ARHGAP29: variants seen among roughly 807,000 people sequenced by gnomAD.
ARHGAP29 encodes rho GTPase-activating protein 29.
A neutral mutation model predicts 122.6 loss-of-function variants in ARHGAP29; 43 were observed. The observed-to-expected ratio is 0.35, with a 90% CI of 0.27 to 0.45. The LOEUF (loss-of-function observed/expected upper bound fraction) is 0.45. Ranked by LOEUF, ARHGAP29 falls within the 20% of genes least tolerant of loss-of-function variation. The pLI is 1.00. For missense variants in ARHGAP29, 1,303 were observed against 1,477.2 expected (o/e 0.88, Z 1.93); for synonymous variants, 506 against 497.1 (o/e 1.02, Z -0.24).
intron 2 of ARHGAP29, among the ~76,000 whole-genome samples, chr1:94,229,308 A>G (rs1652794258): frequency 6.6e-6 from 1 of 151,814 alleles, no homozygotes; most frequent in Non-Finnish European, 1.5e-5. Flanking sequence ...ATCTCATGAG[A>G]TCTTTGTAAT....
At chr1:94,208,701 C>T (rs1651375694) in intron 5 of ARHGAP29, 131 bp downstream of exon 5, 5 of 741,344 alleles carry the variant, frequency 6.7e-6, no homozygotes, top group South Asian at 6.5e-5. Flanking sequence ...TTCAGACAAT[C>T]CGCCCACCTC....
intron 22 of ARHGAP29, among the ~76,000 whole-genome samples, chr1:94,176,439 G>GT (rs1052537658): frequency 3.9e-5 from 6 of 152,290 alleles, no homozygotes; most frequent in African/African-American, 1.4e-4. Context: ...TGTATTAAGA[G>GT]AACAACCTTT....
the ARHGAP29 span, among the ~76,000 whole-genome samples, chr1:94,306,880 A>G: frequency 6.6e-6 from 1 of 152,194 alleles, no homozygotes; most frequent in Admixed American, 6.5e-5. Context: ...ATATATATAC[A>G]CACAAGATAA....
intron 2 of ARHGAP29, among the ~76,000 whole-genome samples, chr1:94,225,416 T>G (rs2101598506): frequency 6.6e-6 from 1 of 152,220 alleles, no homozygotes; most frequent in Middle Eastern, 3.4e-3. Flanking sequence ...AAAGCTACTT[T>G]ACAGTCTTAA....
At chr1:94,298,239 G>A in the ARHGAP29 span, among the ~76,000 whole-genome samples, 1 of 152,166 alleles carries the variant, frequency 6.6e-6, no homozygotes, top group African/African-American at 2.4e-5. Flanking sequence ...GAAGTATAAA[G>A]AGGCAAAATT....
chr1:94,253,469 C>T (rs1280859455), intron 1 of ARHGAP29, among the ~76,000 whole-genome samples: 1 of 152,142 alleles, frequency 6.6e-6, no homozygotes, highest in Non-Finnish European at 1.5e-5. Flanking sequence ...GCTATACTAA[C>T]ATGTTTAAAT....
the ARHGAP29 span, chr1:94,302,152 A>G: frequency 3.7e-6 from 1 of 271,488 alleles, no homozygotes; most frequent in South Asian, 4.5e-5. Flanking sequence ...CCTCAACTAC[A>G]TGGTCTACCA....
At chr1:94,257,524 A>G (rs1394550488) in intron 1 of ARHGAP29, among the ~76,000 whole-genome samples, 1 of 152,134 alleles carries the variant, frequency 6.6e-6, no homozygotes, top group East Asian at 1.9e-4. Context: ...CCTGGGCAAC[A>G]CAGGGAGACC....
chr1:94,308,955 G>T, the ARHGAP29 span, among the ~76,000 whole-genome samples: 1 of 152,194 alleles, frequency 6.6e-6, no homozygotes, highest in African/African-American at 2.4e-5. Flanking sequence ...GGTCAAGGCT[G>T]CCTGCAGCCC....
In ARHGAP29 at chr1:94,201,839, G is replaced by A; in HGVS notation, c.1162C>T (p.Leu388Phe). The A allele has an allele frequency of 6.2e-7, 1 of 1,608,170 alleles. No homozygotes were observed. Among genetic ancestry groups the A allele is most frequent in the Non-Finnish European group, 8.5e-7 (1 of 1,177,714 alleles). ...ACATTTGTCACACAAACTTTGTAAA[G>A]TTCATTTGCTTCTTCTACCTTCACA... ...ALQKVEEANELYKVCVTNVEE... is the reference protein window; with the variant it reads ...ALQKVEEANEFYKVCVTNVEE... Residue 388 changes from leucine (L) to phenylalanine (F), a missense_variant, in exon 12 of 23, where the codon CTT (leucine) becomes TTT (phenylalanine). Around this residue, in one of 3 missense-constraint regions of ARHGAP29, gnomAD observed 592 missense variants for 648.2 expected, o/e 0.91. Coordinates refer to ENST00000260526, the MANE Select transcript of ARHGAP29 (RefSeq NM_004815.4).
intron 1 of ARHGAP29, among the ~76,000 whole-genome samples, chr1:94,258,162 A>T (rs1654431906): frequency 6.6e-6 from 1 of 152,188 alleles, no homozygotes; most frequent in South Asian, 2.1e-4. Context: ...TAACATGACC[A>T]TTCCTAATTT....
At chr1:94,225,209 C>T (rs991903241) in intron 2 of ARHGAP29, among the ~76,000 whole-genome samples, 1 of 152,090 alleles carries the variant, frequency 6.6e-6, no homozygotes, top group African/African-American at 2.4e-5. Flanking sequence ...TAAGTGGCTG[C>T]TTGATGCAGT....
chr1:94,275,220 G>A (rs1254920544), upstream of ARHGAP29, among the ~76,000 whole-genome samples: 1 of 152,220 alleles, frequency 6.6e-6, no homozygotes, highest in East Asian at 1.9e-4. Context: ...TTTGGAAACT[G>A]CTGGCCGGGA....
the ARHGAP29 span, among the ~76,000 whole-genome samples, chr1:94,311,417 G>A: frequency 2.6e-5 from 4 of 152,022 alleles, no homozygotes; most frequent in Non-Finnish European, 4.4e-5. Flanking sequence ...TCTGTCCCTG[G>A]AGAGAACGTG....
chr1:94,187,089 T>A (rs1649851335), intron 15 of ARHGAP29, among the ~76,000 whole-genome samples: 1 of 152,168 alleles, frequency 6.6e-6, no homozygotes, highest in African/African-American at 2.4e-5. Context: ...CTGGCAAGAC[T>A]GCCGACTGGG....
chr1:94,283,240 T>G, the ARHGAP29 span, among the ~76,000 whole-genome samples: 1 of 152,272 alleles, frequency 6.6e-6, no homozygotes, highest in East Asian at 1.9e-4. Flanking sequence ...CTGGGTACCA[T>G]TGCTTTCTAT....
Position 94,205,163 on chromosome 1 carries a change from A to G in ARHGAP29, c.595T>C (p.Leu199=). The part of the protein sequence containing the change: ...FSPLELDNVL[L]KNTDSIELAL... ...AGCTCGATAGAGTCAGTGTTCTTTAACAGCACGTTGTCTAGTTCTAAAGGG... is the reference window on the plus strand; with the variant it reads ...AGCTCGATAGAGTCAGTGTTCTTTAGCAGCACGTTGTCTAGTTCTAAAGGG... The change falls in exon 7 of 23, where the codon TTA becomes CTA. Residue 199 remains leucine, a synonymous_variant. Transcript: ENST00000260526. 1 of 1,606,908 alleles carries G rather than the reference A, an allele frequency of 6.2e-7. No individual in the cohort carries two copies. Among genetic ancestry groups the G allele is most frequent in the Non-Finnish European group, 8.5e-7 (1 of 1,177,626 alleles).
At chr1:94,228,538 A>G (rs1314518877) in intron 2 of ARHGAP29, among the ~76,000 whole-genome samples, 2 of 151,758 alleles carry the variant, frequency 1.3e-5, no homozygotes, top group Non-Finnish European at 3.0e-5. Context: ...TTTACTACCA[A>G]TTTAACCAAA....
chr1:94,207,584 T>C (rs775880984), intron 5 of ARHGAP29, among the ~76,000 whole-genome samples: 4 of 152,158 alleles, frequency 2.6e-5, no homozygotes, highest in Non-Finnish European at 5.9e-5. Flanking sequence ...TCTGAAGTAG[T>C]AGCAACAGTT....
Sources: gnomAD v4.1 joint callset for allele counts (sites outside exome capture counted in the v4.1 genomes callset) on GRCh38, gnomAD v4.1.1 for gene constraint, gnomAD v4.1.1 regional missense constraint, MANE v1.5 for transcripts, NCBI Gene and HGNC (gene_info 2026-07-23, HGNC 2026-07-21) for gene names.